RUNDC3B: variants seen among roughly 807,000 people sequenced by gnomAD.
RUNDC3B encodes RUN domain-containing protein 3B.
RUNDC3B carries 33 observed loss-of-function variants against 58.4 expected under a neutral mutation model. That is an observed-to-expected ratio of 0.56 (90% CI 0.43 to 0.75). The LOEUF is 0.75. Ranked by LOEUF, RUNDC3B falls within the 30% of genes least tolerant of loss-of-function variation. The pLI is 0.00. For missense variants in RUNDC3B, 501 were observed against 535.7 expected, an observed-to-expected ratio of 0.94 and a Z score of 0.64; for synonymous variants, 193 against 195.2, an observed-to-expected ratio of 0.99 and a Z score of 0.10.
chr7:87,741,894 C>A (rs984001344), intron 6 of RUNDC3B, among the ~76,000 whole-genome samples: 1 of 152,106 alleles, frequency 6.6e-6, no homozygotes, highest in Non-Finnish European at 1.5e-5. Flanking sequence ...GATTTTGAAA[C>A]TATAATTCAG....
intron 2 of RUNDC3B, among the ~76,000 whole-genome samples, chr7:87,671,200 G>A (rs1231440278): frequency 2.0e-5 from 3 of 152,190 alleles, no homozygotes; most frequent in Non-Finnish European, 4.4e-5. Flanking sequence ...TGTGGGAGAC[G>A]TACTGGCCTC....
intron 2 of RUNDC3B, among the ~76,000 whole-genome samples, chr7:87,658,033 G>C (rs1824292853): frequency 6.6e-6 from 1 of 152,098 alleles, no homozygotes; most frequent in South Asian, 2.1e-4. Context: ...CCAAGAACCA[G>C]GAAGATCTCA....
chr7:87,655,085 A>G (rs957813017), intron 2 of RUNDC3B, among the ~76,000 whole-genome samples: 25 of 152,128 alleles, frequency 1.6e-4, no homozygotes, highest in African/African-American at 5.1e-4. Context: ...TAGGAATGTA[A>G]ATTTAGAACA....
chr7:87,704,720 A>T (rs919126093), intron 3 of RUNDC3B, among the ~76,000 whole-genome samples: 7 of 152,238 alleles, frequency 4.6e-5, no homozygotes, highest in Non-Finnish European at 1.0e-4. Context: ...CCTCAAACAG[A>T]TTCCATTTAG....
chr7:87,792,565 G>T (rs534485332), intron 8 of RUNDC3B, among the ~76,000 whole-genome samples: 71 of 152,046 alleles, frequency 4.7e-4, no homozygotes, highest in Non-Finnish European at 9.0e-4. Context: ...AGAAATTTTT[G>T]CAAACTGTAC....
intron 4 of RUNDC3B, among the ~76,000 whole-genome samples, chr7:87,715,488 T>C (rs1171377958): frequency 7.6e-6 from 1 of 132,314 alleles, no homozygotes; most frequent in Non-Finnish European, 1.6e-5. Context: ...ATATAAATAA[T>C]ACATATAATT....
intron 2 of RUNDC3B, among the ~76,000 whole-genome samples, chr7:87,677,274 AACACACACACACACAC>A (rs57009840): frequency 3.2e-4 from 43 of 135,876 alleles, no homozygotes; most frequent in Non-Finnish European, 5.0e-4. Context: ...CAGTGTATAT[AACACACACACACACAC>A]ACACACACAC....
chr7:87,748,198 T>C (rs986285745), intron 6 of RUNDC3B, among the ~76,000 whole-genome samples: 3 of 152,192 alleles, frequency 2.0e-5, no homozygotes, highest in Admixed American at 1.3e-4. Context: ...GCTCTCCAGA[T>C]TGACTCAGCT....
intron 9 of RUNDC3B, among the ~76,000 whole-genome samples, chr7:87,812,467 G>T (rs1836777819): frequency 6.6e-6 from 1 of 152,242 alleles, no homozygotes; most frequent in South Asian, 2.1e-4. Context: ...AAATTAGCCA[G>T]GCATGGTGGC....
At chr7:87,693,260 G>C (rs1290635345) in intron 2 of RUNDC3B, among the ~76,000 whole-genome samples, 4 of 152,112 alleles carry the variant, frequency 2.6e-5, no homozygotes, top group African/African-American at 9.7e-5. Context: ...AAATAAAACA[G>C]TGTTTTTGAT....
intron 8 of RUNDC3B, among the ~76,000 whole-genome samples, chr7:87,802,996 G>GAATAA (rs1281460748): frequency 6.6e-6 from 1 of 151,358 alleles, no homozygotes; most frequent in African/African-American, 2.4e-5. Context: ...AATAAATAAT[G>GAATAA]AATAAAATAA....
In RUNDC3B at chr7:87,710,710, T is replaced by C. The variant is rs1829997098; in HGVS notation, c.458+55T>C. 6 of 933,128 alleles carry C rather than the reference T, an allele frequency of 6.4e-6. No homozygotes were observed. The East Asian group carries it at 1.5e-4, about 24-fold the overall frequency. 57.8% of individuals were successfully genotyped at this position (933,128 alleles called of 1,614,324 possible). ...ATATTTGAAAGAATCACCTGAAGAC[T>C]CAGAAATCAGAATAGGATGAAGAAT... On this transcript the variant is annotated intron_variant, in intron 4 of 10. Transcript: ENST00000394654.
intron 7 of RUNDC3B, among the ~76,000 whole-genome samples, chr7:87,771,886 T>G (rs1360161702): frequency 6.6e-6 from 1 of 152,186 alleles, no homozygotes; most frequent in Non-Finnish European, 1.5e-5. Flanking sequence ...GGGGTGACAT[T>G]GGTACACTGA....
At chr7:87,804,766 A>G (rs930993894) in intron 8 of RUNDC3B, among the ~76,000 whole-genome samples, 2 of 152,218 alleles carry the variant, frequency 1.3e-5, no homozygotes, top group Admixed American at 1.3e-4. Context: ...CATTTTAATT[A>G]AAGTCAAATG....
intron 8 of RUNDC3B, among the ~76,000 whole-genome samples, chr7:87,799,105 C>A (rs944589282): frequency 2.6e-5 from 4 of 152,216 alleles, no homozygotes; most frequent in Non-Finnish European, 4.4e-5. Flanking sequence ...ATTCTCATTA[C>A]TCCTCTTGGT....
intron 2 of RUNDC3B, among the ~76,000 whole-genome samples, chr7:87,680,994 A>G (rs1826876036): frequency 6.6e-6 from 1 of 150,544 alleles, no homozygotes; most frequent in Non-Finnish European, 1.5e-5. Flanking sequence ...AGGCTGATCA[A>G]GAAAATGAGA....
chr7:87,720,002 A>AGAAAG (rs1554475641), intron 4 of RUNDC3B, among the ~76,000 whole-genome samples: 18 of 150,100 alleles, frequency 1.2e-4, no homozygotes, highest in East Asian at 3.9e-4. Context: ...AAAAAAAAAA[A>AGAAAG]AAAAGAGAAA....
chr7:87,684,746 C>CAAGAA (rs1827285823), intron 2 of RUNDC3B, among the ~76,000 whole-genome samples: 1 of 37,784 alleles, frequency 2.6e-5, no homozygotes, highest in Non-Finnish European at 4.0e-5. Flanking sequence ...GACTCCGTCT[C>CAAGAA]AAAAAAAAAA....
intron 3 of RUNDC3B, chr7:87,709,601 G>C (rs1181809373): frequency 1.3e-6 from 1 of 752,682 alleles, no homozygotes; most frequent in Non-Finnish European, 1.6e-6. Flanking sequence ...TTTAACTACT[G>C]CCTATATTGA....
Sources: gnomAD v4.1 joint callset for allele counts (sites outside exome capture counted in the v4.1 genomes callset) on GRCh38, gnomAD v4.1.1 for gene constraint, MANE v1.5 for transcripts, NCBI Gene and HGNC (gene_info 2026-07-23, HGNC 2026-07-21) for gene names.